RNF216: variants seen among roughly 807,000 people sequenced by gnomAD.
RNF216 encodes the protein ring finger protein 216.
A neutral mutation model predicts 110.8 loss-of-function variants in RNF216; 72 were observed. The ratio of observed to expected loss-of-function variants is 0.65; its 90% CI spans 0.54 to 0.79. The LOEUF is 0.79. RNF216 is among the 30% of genes least tolerant of loss of function. The probability of loss-of-function intolerance (pLI) is 0.00; values close to 1 mark genes in which losing one functional copy is unlikely to be tolerated. For synonymous variants in RNF216, 495 were observed against 407.5 expected, an observed-to-expected ratio of 1.21 and a Z score of -2.59; for missense variants, 1,342 against 1,141.2, an observed-to-expected ratio of 1.18 and a Z score of -2.54.
intron 13 of RNF216, among the ~76,000 whole-genome samples, chr7:5,672,933 G>C (rs996385160): frequency 6.6e-6 from 1 of 152,158 alleles, no homozygotes. Context: ...TCTTGAAATT[G>C]GAAAATGTAC....
At chr7:5,700,461 A>G (rs957862057) in intron 13 of RNF216, among the ~76,000 whole-genome samples, 1 of 152,244 alleles carries the variant, frequency 6.6e-6, no homozygotes, top group Non-Finnish European at 1.5e-5. Context: ...TGATGAGGCC[A>G]CAGACACAGA....
Position 5,715,166 on chromosome 7 carries a change from A to G in RNF216, c.1720T>C (p.Cys574Arg). The G allele has an allele frequency of 6.2e-7, 1 of 1,613,642 alleles. No homozygotes were observed. Among genetic ancestry groups the G allele is most frequent in the Non-Finnish European group, 8.5e-7 (1 of 1,179,986 alleles). ...TCGAATGGAAATTCCCCATAGCAGC[A>G]GCGACACTCAATCAGCTGGCCATCC... is the stretch of plus-strand genomic sequence containing the variant. ...QKDGQLIECRCCYGEFPFEEL... is the reference protein window; with the variant it reads ...QKDGQLIECRRCYGEFPFEEL... The change falls in exon 11 of 17, where the codon TGC becomes CGC. Residue 574 changes from cysteine (C) to arginine (R), a missense_variant. Cys to Arg is a radical substitution (Grantham distance 180). Transcript: ENST00000389902.
chr7:5,764,782 A>G (rs1342800890), intron 1 of RNF216, among the ~76,000 whole-genome samples: 1 of 152,196 alleles, frequency 6.6e-6, no homozygotes. Flanking sequence ...GAGTAAGGGT[A>G]GCGGCTGGGT....
At chr7:5,731,927 G>T (rs909935919) in intron 5 of RNF216, among the ~76,000 whole-genome samples, 4 of 152,142 alleles carry the variant, frequency 2.6e-5, no homozygotes, top group African/African-American at 9.7e-5. Context: ...TGATTCTGCA[G>T]CCCCCGCCGG....
chr7:5,681,237 A>C (rs1790631929), intron 13 of RNF216, among the ~76,000 whole-genome samples: 1 of 152,194 alleles, frequency 6.6e-6, no homozygotes, highest in African/African-American at 2.4e-5. Context: ...TGCCTAATGT[A>C]GGAACCTCCC....
chr7:5,722,641 C>T (rs754677616), intron 8 of RNF216, among the ~76,000 whole-genome samples: 29 of 151,704 alleles, frequency 1.9e-4, no homozygotes, highest in African/African-American at 6.3e-4. Flanking sequence ...CCGCCTGCCT[C>T]GGCCTCCCAA....
At chr7:5,659,574 G>A (rs1788970815) in intron 13 of RNF216, among the ~76,000 whole-genome samples, 1 of 152,220 alleles carries the variant, frequency 6.6e-6, no homozygotes, top group Non-Finnish European at 1.5e-5. Flanking sequence ...GGAAATGCAA[G>A]CATCTGGTTG....
intron 15 of RNF216, among the ~76,000 whole-genome samples, chr7:5,627,043 C>T (rs1412534915): frequency 6.6e-6 from 1 of 152,198 alleles, no homozygotes; most frequent in Admixed American, 6.5e-5. Flanking sequence ...ACCTCTGCCG[C>T]ATCTCCTCGA....
rs537460231 is a variant in RNF216 at position 5,674,113 on chromosome 7, T to C, written c.2062-21603A>G. 1.2e-4 allele frequency among the ~76,000 whole-genome samples: 18 copies of C among 151,816 alleles called. 1 individual carries two copies. The East Asian group carries it at 3.5e-3, about 30-fold the overall frequency. On this transcript the variant is annotated intron_variant, in intron 13 of 16. Transcript: ENST00000389902. ...GGCGTTATCTCGGCTCACTGCAACCTCCGCCTCCTGGGTTCAAACGATTCT... is the reference window on the plus strand; with the variant it reads ...GGCGTTATCTCGGCTCACTGCAACCCCCGCCTCCTGGGTTCAAACGATTCT...
In RNF216 at chr7:5,748,539, G is replaced by C. The variant is rs1419437481; in HGVS notation, c.201+4307C>G. Among the ~76,000 whole-genome samples, 5 of 151,334 alleles carry C rather than the reference G, an allele frequency of 3.3e-5. No homozygotes were observed. The East Asian group carries it at 9.7e-4, about 29-fold the overall frequency. On this transcript the variant is annotated intron_variant, in intron 3 of 16. Transcript: ENST00000389902. ...TTATAGGCGTGAGCCACCGTGTCCA[G>C]TTTCTTTATGATTTTCTTAACCTTT... is the stretch of plus-strand genomic sequence containing the variant.
intron 9 of RNF216, among the ~76,000 whole-genome samples, chr7:5,718,486 C>T (rs1793204312): frequency 1.3e-5 from 2 of 151,788 alleles, no homozygotes; most frequent in South Asian, 4.1e-4. Flanking sequence ...TTTTTACAAC[C>T]TTAGACAAAA....
chr7:5,709,557 G>A (rs1792528251), intron 13 of RNF216, among the ~76,000 whole-genome samples: 1 of 152,128 alleles, frequency 6.6e-6, no homozygotes, highest in African/African-American at 2.4e-5. Context: ...CTACTCACAT[G>A]TTTCACTGAC....
intron 13 of RNF216, among the ~76,000 whole-genome samples, chr7:5,705,559 C>G (rs144145669): frequency 5.6e-4 from 86 of 152,272 alleles, no homozygotes; most frequent in African/African-American, 2.0e-3. Flanking sequence ...TTTGTTCTCA[C>G]TCATGCTGCA....
At position 5,655,966 on chromosome 7, in the gene RNF216, C is replaced by T. The variant is rs1788715536; in HGVS notation, c.2062-3456G>A. 2.0e-5 allele frequency among the ~76,000 whole-genome samples: 3 copies of T among 152,192 alleles called. No individual in the cohort carries two copies. In the South Asian group the frequency reaches 6.2e-4, roughly 32 times the overall value. On this transcript the variant is annotated intron_variant, in intron 13 of 16. Coordinates refer to ENST00000389902, the MANE Select transcript of RNF216 (RefSeq NM_207111.4). ...CCACCTCCTGGGCTCAAGCGATCTCCCACCTCAGCCTCCTGGGTAGCTGAG... is the reference window on the plus strand; with the variant it reads ...CCACCTCCTGGGCTCAAGCGATCTCTCACCTCAGCCTCCTGGGTAGCTGAG...
chr7:5,730,260 G>C (rs541971543), intron 6 of RNF216, among the ~76,000 whole-genome samples: 1 of 151,956 alleles, frequency 6.6e-6, no homozygotes, highest in Non-Finnish European at 1.5e-5. Context: ...CTGATGGACA[G>C]ACAGAGGACA....
chr7:5,652,565 G>A, intron 13 of RNF216, 55 bp from the exon 14 acceptor site: 3 of 1,172,476 alleles, frequency 2.6e-6, no homozygotes, highest in South Asian at 1.2e-5. Flanking sequence ...CACCACAGAA[G>A]TTCCTGTTCA....
intron 13 of RNF216, among the ~76,000 whole-genome samples, chr7:5,654,685 T>A (rs1788617418): frequency 6.2e-5 from 1 of 16,244 alleles, no homozygotes; most frequent in Non-Finnish European, 1.1e-4. Flanking sequence ...AGACTCCGCC[T>A]CAAAAAAAAA....
intron 6 of RNF216, among the ~76,000 whole-genome samples, chr7:5,730,328 A>C (rs1203847720): frequency 6.6e-6 from 1 of 151,838 alleles, no homozygotes; most frequent in South Asian, 2.1e-4. Context: ...TAGGTATATA[A>C]ATGATCAACG....
chr7:5,692,845 G>C (rs1791416785), intron 13 of RNF216, among the ~76,000 whole-genome samples: 2 of 152,108 alleles, frequency 1.3e-5, no homozygotes, highest in Middle Eastern at 3.2e-3. Flanking sequence ...AATGACAATG[G>C]GTATACAATG....
Sources: allele counts gnomAD v4.1 joint callset (sites outside exome capture counted in the v4.1 genomes callset), GRCh38; gene constraint gnomAD v4.1.1; transcripts MANE v1.5; gene names NCBI Gene and HGNC (gene_info 2026-07-23, HGNC 2026-07-21).